Variants in CELF1 observed in about 807,000 individuals in gnomAD.
CELF1 encodes CUGBP Elav-like family member 1, also known as 50 kDa nuclear polyadenylated RNA-binding protein.
A neutral mutation model predicts 61.8 loss-of-function variants in CELF1; 10 were observed. The ratio of observed to expected loss-of-function variants is 0.16; its 90% CI spans 0.10 to 0.27. The LOEUF (loss-of-function observed/expected upper bound fraction) is 0.27, where lower values mean the gene tolerates loss of function less well. CELF1 is among the 10% of genes least tolerant of loss of function. CELF1 has a pLI of 1.00. For synonymous variants in CELF1, 236 were observed against 225.1 expected, an observed-to-expected ratio of 1.05 and a Z score of -0.43; for missense variants, 380 against 639.1, an observed-to-expected ratio of 0.59 and a Z score of 4.37.
At chr11:47,513,281 A>C (rs1343863837) in intron 1 of CELF1, among the ~76,000 whole-genome samples, 2 of 152,254 alleles carry the variant, frequency 1.3e-5, no homozygotes, top group Non-Finnish European at 2.9e-5. Flanking sequence ...AGAACACCTG[A>C]ATAAAAGTAA....
At chr11:47,493,195 TG>T (rs1216016691) in intron 3 of CELF1, among the ~76,000 whole-genome samples, 1 of 152,018 alleles carries the variant, frequency 6.6e-6, no homozygotes, top group Non-Finnish European at 1.5e-5. Flanking sequence ...TCCCCTTCCC[TG>T]TTTATATACC....
intron 3 of CELF1, among the ~76,000 whole-genome samples, chr11:47,495,393 G>A (rs2092881478): frequency 6.6e-6 from 1 of 152,174 alleles, no homozygotes; most frequent in Non-Finnish European, 1.5e-5. Flanking sequence ...TGGGGGAAGG[G>A]AGACATGGAG....
intron 2 of CELF1, 66 bp downstream of exon 2, chr11:47,500,795 G>GT (rs1469652535): frequency 2.5e-6 from 1 of 397,602 alleles, no homozygotes; most frequent in East Asian, 3.6e-5. Context: ...ACTCTAAAAT[G>GT]TTATCTCTGA....
intron 1 of CELF1, among the ~76,000 whole-genome samples, chr11:47,518,171 T>C (rs1023676443): frequency 5.3e-5 from 8 of 152,236 alleles, no homozygotes; most frequent in Non-Finnish European, 8.8e-5. Context: ...TGCCTGAAAC[T>C]TCTGTGTGGA....
At chr11:47,484,600 G>A (rs546611662) in intron 6 of CELF1, 77 bp from the exon 7 acceptor site, 48 of 1,301,938 alleles carry the variant, frequency 3.7e-5, no homozygotes, top group East Asian at 2.1e-4. Context: ...GAGCCAGACC[G>A]CCTGGGTTTG....
rs959390901 is a variant in CELF1 at position 47,504,372 on chromosome 11, G to C, written c.-153-3440C>G. The stretch of plus-strand genomic sequence containing the variant: ...AGGCCAAGGCAGGAGCATCATTTGA[G>C]CTCAGGCAAGACTAGCCTGGGCAAC... On this transcript the variant is annotated intron_variant, in intron 1 of 14. Coordinates refer to ENST00000687097, the MANE Select transcript of CELF1 (RefSeq NM_001376376.1). Among the ~76,000 whole-genome samples the C allele has an allele frequency of 1.8e-4, 27 of 151,928 alleles. No homozygotes were observed. The East Asian group carries it at 5.0e-3, about 28-fold the overall frequency.
intron 1 of CELF1, among the ~76,000 whole-genome samples, chr11:47,564,859 G>T (rs780428268): frequency 5.9e-5 from 9 of 152,134 alleles, no homozygotes; most frequent in Non-Finnish European, 1.0e-4. Context: ...TAGGTTGCAG[G>T]TTTTATATTT....
chr11:47,511,144 C>G (rs1249360439), intron 1 of CELF1, among the ~76,000 whole-genome samples: 1 of 152,146 alleles, frequency 6.6e-6, no homozygotes, highest in Non-Finnish European at 1.5e-5. Flanking sequence ...TGTGATGGCA[C>G]CACTGCACTC....
At chr11:47,494,352 T>C (rs2092620833) in intron 3 of CELF1, 3 of 979,012 alleles carry the variant, frequency 3.1e-6, no homozygotes, top group South Asian at 9.5e-5. Flanking sequence ...GTTACTCTCA[T>C]TGTTGCTTCT....
At chr11:47,540,551 C>T (rs1443807270) in intron 1 of CELF1, among the ~76,000 whole-genome samples, 1 of 152,144 alleles carries the variant, frequency 6.6e-6, no homozygotes, top group Admixed American at 6.6e-5. Context: ...TCCTTTCACT[C>T]CTCGGCCCCC....
chr11:47,487,362 G>C, intron 4 of CELF1, 121 bp from the exon 5 acceptor site: 1 of 662,532 alleles, frequency 1.5e-6, no homozygotes, highest in Non-Finnish European at 2.6e-6. Flanking sequence ...ATTAGTGAGA[G>C]GGGGAGGGTA....
At chr11:47,527,574 T>G (rs1241288869) in intron 1 of CELF1, among the ~76,000 whole-genome samples, 1 of 151,956 alleles carries the variant, frequency 6.6e-6, no homozygotes, top group Non-Finnish European at 1.5e-5. Flanking sequence ...AAAAAAAAAA[T>G]TAAGCCTCTT....
chr11:47,521,464 G>C (rs2095880304), intron 1 of CELF1, among the ~76,000 whole-genome samples: 1 of 152,128 alleles, frequency 6.6e-6, no homozygotes, highest in South Asian at 2.1e-4. Context: ...CTAGACTCTA[G>C]AGTCATACCA....
chr11:47,505,996 G>C (rs2094463130), intron 1 of CELF1, among the ~76,000 whole-genome samples: 1 of 150,750 alleles, frequency 6.6e-6, no homozygotes, highest in Non-Finnish European at 1.5e-5. Flanking sequence ...ATTAGTACGT[G>C]CATGGAATCT....
rs1412212395 is a variant in CELF1 at position 47,499,457 on chromosome 11, G to T, written c.67C>A (p.Pro23Thr). Residue 23 changes from proline (P) to threonine (T), a missense_variant, in exon 3 of 15, where the codon CCC becomes ACC. Coordinates refer to ENST00000687097, the MANE Select transcript of CELF1 (RefSeq NM_001376376.1). ...MVDHCSLNSSPVSKKMNGTLD... is the reference protein window; with the variant it reads ...MVDHCSLNSSTVSKKMNGTLD... ...TTAGACAACAAAAATACTTACACGGGACTGGAATTCAAAGAGCAATGATCC... is the reference window on the plus strand; with the variant it reads ...TTAGACAACAAAAATACTTACACGGTACTGGAATTCAAAGAGCAATGATCC... 1.3e-6 allele frequency: 2 copies of T among 1,535,084 alleles called. No homozygotes were observed. Among genetic ancestry groups the T allele is most frequent in the Admixed American group, 2.0e-5 (1 of 50,988 alleles).
intron 1 of CELF1, among the ~76,000 whole-genome samples, chr11:47,541,686 C>CTCG (rs71042680): frequency 8.6e-5 from 1 of 11,690 alleles, no homozygotes; most frequent in African/African-American, 1.3e-4. Context: ...GCGAGACTGT[C>CTCG]AAAGAAAGAA....
rs929875472 is a variant in CELF1, at chr11:47,558,560, ATATATAATATATAAATATATATATATATT to A, written c.-11+5762_-11+5790del. ...TTATATATTTATATTATATATATTTATATATAATATATAAATATATATATATATTTATATTATATATGTATAAAATATGT... is the reference window on the plus strand; with the variant it reads ...TTATATATTTATATTATATATATTTATATATTATATATGTATAAAATATGT... On this transcript the variant is annotated intron_variant, in intron 2 of 3. Transcript: ENST00000525841. Among the ~76,000 whole-genome samples, 4 of 114,978 alleles carry A rather than the reference ATATATAATATATAAATATATATATATATT, an allele frequency of 3.5e-5. No homozygotes were observed. In the South Asian group the frequency reaches 9.0e-4, roughly 26 times the overall value. 75.4% of individuals were successfully genotyped at this position (114,978 alleles called of 152,430 possible).
chr11:47,532,621 G>C lies in CELF1; in HGVS notation c.-154+20371C>G, dbSNP rs142029848. On this transcript the variant is annotated intron_variant, in intron 1 of 14. Coordinates refer to ENST00000687097, the MANE Select transcript of CELF1 (RefSeq NM_001376376.1). The stretch of plus-strand genomic sequence containing the variant: ...ATCCAATGTGTGGGTAGAAACAACA[G>C]AACAGTGCTGGGAAAATTCCTGCTT... Among the ~76,000 whole-genome samples the C allele has an allele frequency of 1.9e-3, 288 of 152,266 alleles. 1 individual carries two copies. Among genetic ancestry groups the C allele is most frequent in the Middle Eastern group, 0.014 (4 of 294 alleles).
intron 1 of CELF1, among the ~76,000 whole-genome samples, chr11:47,534,021 CCTTTTTT>C (rs2096563406): frequency 1.0e-5 from 1 of 98,472 alleles, no homozygotes; most frequent in African/African-American, 3.4e-5. Context: ...TTTTTTCTTT[CCTTTTTT>C]TTTTTTTTTT....
Sources: allele counts gnomAD v4.1 joint callset (sites outside exome capture counted in the v4.1 genomes callset), GRCh38; gene constraint gnomAD v4.1.1; transcripts MANE v1.5; gene names NCBI Gene and HGNC (gene_info 2026-07-23, HGNC 2026-07-21).